Variants in ATP6V1G1 observed in about 807,000 individuals in gnomAD.
The protein encoded by ATP6V1G1 is ATPase H+ transporting V1 subunit G1.
Under a neutral mutation model 14.2 loss-of-function variants are expected in ATP6V1G1, and 14 were observed. That is an observed-to-expected ratio of 0.99 (90% CI 0.65 to 1.55). The LOEUF (loss-of-function observed/expected upper bound fraction) is 1.55, where lower values mean the gene tolerates loss of function less well. ATP6V1G1 is among the 40% of genes most tolerant of loss of function. The probability of loss-of-function intolerance (pLI) is 0.00; values close to 1 mark genes in which losing one functional copy is unlikely to be tolerated. For missense variants in ATP6V1G1, 137 were observed against 146.4 expected, an observed-to-expected ratio of 0.94 and a Z score of 0.33; for synonymous variants, 65 against 53.3, an observed-to-expected ratio of 1.22 and a Z score of -0.96.
chr9:114,590,191 G>A (rs1233486714), intron 1 of ATP6V1G1, among the ~76,000 whole-genome samples: 9 of 128,708 alleles, frequency 7.0e-5, no homozygotes, highest in African/African-American at 2.6e-4. Context: ...AGAGGGAGAC[G>A]CCGTCTCAAA....
chr9:114,592,744 G>A, intron 2 of ATP6V1G1, 92 bp downstream of exon 2: 1 of 1,347,018 alleles, frequency 7.4e-7, no homozygotes, highest in Non-Finnish European at 1.0e-6. Flanking sequence ...CAGAGATCCT[G>A]GTCGAAGTTT....
intron 1 of ATP6V1G1, 118 bp from the exon 2 acceptor site, chr9:114,592,434 A>G (rs141470687): frequency 0.017 from 17,495 of 1,000,758 alleles, 206 homozygotes; most frequent in Middle Eastern, 0.026. Flanking sequence ...TCCCATGCAC[A>G]TCTCTTCGGA....
At chr9:114,593,705 C>T (rs1845206808) in intron 2 of ATP6V1G1, among the ~76,000 whole-genome samples, 1 of 151,822 alleles carries the variant, frequency 6.6e-6, no homozygotes, top group African/African-American at 2.4e-5. Flanking sequence ...TGCTGTGTTG[C>T]CTTGGCTGGT....
chr9:114,595,542 T>G (rs1389053018), intron 2 of ATP6V1G1, among the ~76,000 whole-genome samples: 2 of 152,124 alleles, frequency 1.3e-5, no homozygotes, highest in African/African-American at 4.8e-5. Context: ...TAGTTCCAGC[T>G]ACTTGGGAGG....
intron 2 of ATP6V1G1, among the ~76,000 whole-genome samples, chr9:114,596,986 C>CTTTTTTTT (rs71367785): frequency 1.9e-5 from 2 of 104,584 alleles, no homozygotes; most frequent in East Asian, 3.0e-4. Context: ...ATAGCAGATT[C>CTTTTTTTT]TTTTTTTTTT....
At chr9:114,592,783 G>T (rs1845195794) in intron 2 of ATP6V1G1, 131 bp downstream of exon 2, 2 of 865,274 alleles carry the variant, frequency 2.3e-6, no homozygotes, top group South Asian at 3.5e-5. Context: ...TGTTTTATTG[G>T]CTGCTCAGGC....
intron 2 of ATP6V1G1, among the ~76,000 whole-genome samples, chr9:114,595,929 G>A (rs1048253341): frequency 2.6e-5 from 4 of 152,078 alleles, no homozygotes; most frequent in Non-Finnish European, 5.9e-5. Flanking sequence ...GCAAGAACAG[G>A]TTAGGTGAAT....
chr9:114,593,396 C>G (rs1418053806), intron 2 of ATP6V1G1, among the ~76,000 whole-genome samples: 5 of 152,182 alleles, frequency 3.3e-5, no homozygotes, highest in Admixed American at 6.5e-5. Flanking sequence ...TACACTGTGG[C>G]CTCTAGTAGT....
chr9:114,594,126 A>G (rs991324979), intron 2 of ATP6V1G1, among the ~76,000 whole-genome samples: 2 of 149,310 alleles, frequency 1.3e-5, no homozygotes, highest in African/African-American at 5.0e-5. Flanking sequence ...CTGGAGTGCA[A>G]TGGCATGATC....
intron 2 of ATP6V1G1, among the ~76,000 whole-genome samples, chr9:114,596,986 CTTTTTTTTTTT>C (rs71367785): frequency 2.9e-5 from 3 of 104,566 alleles, no homozygotes; most frequent in South Asian, 3.3e-4. Flanking sequence ...ATAGCAGATT[CTTTTTTTTTTT>C]TTTTTTTTTT....
intron 2 of ATP6V1G1, among the ~76,000 whole-genome samples, chr9:114,594,707 T>C (rs1845217804): frequency 6.6e-6 from 1 of 151,964 alleles, no homozygotes; most frequent in Non-Finnish European, 1.5e-5. Context: ...TACATTCTTT[T>C]TTCTTTTTCG....
chr9:114,591,294 TC>T (rs2133557656), intron 1 of ATP6V1G1, among the ~76,000 whole-genome samples: 1 of 152,360 alleles, frequency 6.6e-6, no homozygotes, highest in African/African-American at 2.4e-5. Context: ...AATGGTATTA[TC>T]CTGAGTTATA....
chr9:114,595,165 G>C (rs1052363906), intron 2 of ATP6V1G1, among the ~76,000 whole-genome samples: 9 of 151,998 alleles, frequency 5.9e-5, no homozygotes, highest in Admixed American at 1.3e-4. Context: ...ACCATGCTCA[G>C]CCAAGCTCTG....
chr9:114,597,785 C>CA lies in ATP6V1G1; in HGVS notation c.*42_*43insA. ...TGCTGTGGAGTGGCATTTTAGATGC[C>CA]CTCACGAATATGAAGCTTAGCACAG... On this transcript the variant is annotated 3_prime_UTR_variant, in exon 3 of 3. Coordinates refer to ENST00000374050, the MANE Select transcript of ATP6V1G1 (RefSeq NM_004888.4). 6.8e-7 allele frequency: 1 copy of CA among 1,467,978 alleles called. No homozygotes were observed. Among genetic ancestry groups the CA allele is most frequent in the Non-Finnish European group, 9.0e-7 (1 of 1,109,028 alleles). 90.9% of individuals were successfully genotyped at this position (1,467,978 alleles called of 1,614,324 possible). A position where few individuals can be genotyped will look rare whatever the true frequency, so the allele number is the denominator to read the frequency against.
intron 2 of ATP6V1G1, 49 bp from the exon 3 acceptor site, chr9:114,597,521 C>G (rs1845251794): frequency 7.1e-7 from 1 of 1,406,076 alleles, no homozygotes; most frequent in Non-Finnish European, 9.3e-7. Context: ...CCTGACCAAC[C>G]AGAGCATTGT....
intron 2 of ATP6V1G1, 28 bp from the exon 3 acceptor site, chr9:114,597,542 C>G (rs771698288): frequency 6.9e-7 from 1 of 1,449,428 alleles, no homozygotes; most frequent in Admixed American, 2.7e-5. Flanking sequence ...TCTGATAATC[C>G]CTCCGTGACA....
chr9:114,588,030 A>AT, intron 1 of ATP6V1G1, 110 bp downstream of exon 1: 1 of 1,190,022 alleles, frequency 8.4e-7, no homozygotes, highest in South Asian at 1.4e-5. Flanking sequence ...GGGCGTGCGT[A>AT]TAGTCGCGGA....
chr9:114,591,865 T>C (rs527505337), intron 1 of ATP6V1G1, among the ~76,000 whole-genome samples: 5 of 152,264 alleles, frequency 3.3e-5, no homozygotes, highest in Non-Finnish European at 7.4e-5. Flanking sequence ...TTGGCTGTCC[T>C]TGTGGTCTGT....
At chr9:114,597,001 T>C (rs1845245338) in intron 2 of ATP6V1G1, among the ~76,000 whole-genome samples, 1 of 147,004 alleles carries the variant, frequency 6.8e-6, no homozygotes, top group Non-Finnish European at 1.5e-5. Context: ...TTTTTTTTTT[T>C]TTTTTTTGAG....
Sources: gnomAD v4.1 joint callset for allele counts (sites outside exome capture counted in the v4.1 genomes callset) on GRCh38, gnomAD v4.1.1 for gene constraint, MANE v1.5 for transcripts, NCBI Gene and HGNC (gene_info 2026-07-23, HGNC 2026-07-21) for gene names.